GRID2: variants seen among roughly 807,000 people sequenced by gnomAD.
The protein encoded by GRID2 is glutamate receptor ionotropic, delta-2.
In GRID2, 33 loss-of-function variants were observed where a neutral mutation model predicts 114.8. The observed-to-expected ratio is 0.29, with a 90% CI of 0.22 to 0.38. The LOEUF (loss-of-function observed/expected upper bound fraction) is 0.38, where lower values mean the gene tolerates loss of function less well. GRID2 is among the 10% of genes least tolerant of loss of function. GRID2 has a pLI of 1.00. For synonymous variants in GRID2, 505 were observed against 449.9 expected, an observed-to-expected ratio of 1.12 and a Z score of -1.55; for missense variants, 1,184 against 1,257.7, an observed-to-expected ratio of 0.94 and a Z score of 0.89.
intron 5 of GRID2, among the ~76,000 whole-genome samples, chr4:93,211,875 C>A (rs1743520564): frequency 6.6e-6 from 1 of 152,086 alleles, no homozygotes; most frequent in African/African-American, 2.4e-5. Flanking sequence ...CTGGTATATC[C>A]AAAATCAACA....
At chr4:92,396,298 G>A (rs919908125) in intron 1 of GRID2, among the ~76,000 whole-genome samples, 2 of 151,886 alleles carry the variant, frequency 1.3e-5, no homozygotes, top group Admixed American at 6.6e-5. Context: ...AGAGCTTGTA[G>A]TGCATTATAT....
chr4:92,698,933 C>T (rs533436553), intron 2 of GRID2, among the ~76,000 whole-genome samples: 78 of 152,120 alleles, frequency 5.1e-4, no homozygotes, highest in Non-Finnish European at 9.6e-4. Flanking sequence ...TCATTCAGTA[C>T]TGACAACACA....
intron 8 of GRID2, among the ~76,000 whole-genome samples, chr4:93,245,060 A>T (rs1211623384): frequency 6.6e-6 from 1 of 152,108 alleles, no homozygotes; most frequent in East Asian, 1.9e-4. Context: ...AATTGACAAT[A>T]TAATTATACA....
intron 13 of GRID2, among the ~76,000 whole-genome samples, chr4:93,547,358 G>A (rs955550598): frequency 6.6e-6 from 1 of 152,076 alleles, no homozygotes; most frequent in African/African-American, 2.4e-5. Context: ...TATACTCAAA[G>A]GTGTTTTTAA....
chr4:92,623,007 A>C (rs575476251), intron 2 of GRID2, among the ~76,000 whole-genome samples: 1 of 151,718 alleles, frequency 6.6e-6, no homozygotes, highest in Non-Finnish European at 1.5e-5. Context: ...AATAAGGTTC[A>C]TCACTATTGG....
At chr4:93,507,894 T>C (rs1728778126) in intron 12 of GRID2, among the ~76,000 whole-genome samples, 3 of 152,170 alleles carry the variant, frequency 2.0e-5, no homozygotes, top group Non-Finnish European at 4.4e-5. Flanking sequence ...GGAGGTTCAA[T>C]GAAGCTTGCC....
chr4:93,395,467 A>G (rs751756225), intron 8 of GRID2, 140 bp from the exon 9 acceptor site: 2 of 494,364 alleles, frequency 4.0e-6, no homozygotes, highest in Non-Finnish European at 3.7e-6. Flanking sequence ...TTCATTTCCT[A>G]TTTAAAAAGA....
At chr4:92,889,993 C>T (rs1746641376) in intron 2 of GRID2, among the ~76,000 whole-genome samples, 1 of 151,962 alleles carries the variant, frequency 6.6e-6, no homozygotes, top group African/African-American at 2.4e-5. Flanking sequence ...TTTGACAAAC[C>T]TGACAAAAAT....
intron 8 of GRID2, among the ~76,000 whole-genome samples, chr4:93,273,967 A>G (rs1021873534): frequency 6.6e-6 from 1 of 152,146 alleles, no homozygotes; most frequent in African/African-American, 2.4e-5. Flanking sequence ...TCATTTAGCT[A>G]TTTCACTTTT....
In GRID2 at chr4:93,365,256, G is replaced by A. The variant is rs116445939; in HGVS notation, c.1246-30351G>A. 5.9e-3 allele frequency among the ~76,000 whole-genome samples: 904 copies of A among 152,206 alleles called. 7 individuals are homozygous for A. Among genetic ancestry groups the A allele is most frequent in the African/African-American group, 0.021 (856 of 41,544 alleles). ...TGTTTATGTTTCTATAAACCATCCAGGCCCAATCTTTATTTTTGTCAATAG... is the reference window on the plus strand; with the variant it reads ...TGTTTATGTTTCTATAAACCATCCAAGCCCAATCTTTATTTTTGTCAATAG... On this transcript the variant is annotated intron_variant, in intron 8 of 15. Transcript: ENST00000282020.
chr4:93,621,455 A>G (rs758461898), intron 13 of GRID2, among the ~76,000 whole-genome samples: 1 of 152,194 alleles, frequency 6.6e-6, no homozygotes, highest in Non-Finnish European at 1.5e-5. Flanking sequence ...TTAACCTAGT[A>G]TGAAGGACTC....
At chr4:92,602,653 ATGCCCT>A (rs1305667500) in intron 2 of GRID2, among the ~76,000 whole-genome samples, 4 of 152,202 alleles carry the variant, frequency 2.6e-5, no homozygotes, top group African/African-American at 9.6e-5. Context: ...CAAAACAAGG[ATGCCCT>A]GTCTCACGAC....
At chr4:92,777,528 A>G (rs920836886) in intron 2 of GRID2, among the ~76,000 whole-genome samples, 7 of 152,088 alleles carry the variant, frequency 4.6e-5, no homozygotes, top group African/African-American at 1.4e-4. Context: ...CTCTTGATGC[A>G]TCGCTTCTTA....
rs760298260 is a variant in GRID2 at position 92,414,075 on chromosome 4, A to G, written c.88+109331A>G. On this transcript the variant is annotated intron_variant, in intron 1 of 15. Coordinates refer to ENST00000282020, the MANE Select transcript of GRID2 (RefSeq NM_001510.4). ...TAGAAGTTGCAGCTTTGCACTGACA[A>G]TGGTGATACATAATAAAGTCTTGGC... Among the ~76,000 whole-genome samples the G allele has an allele frequency of 1.7e-4, 26 of 152,330 alleles. No individual in the cohort carries two copies. In the South Asian group the frequency reaches 3.9e-3, roughly 23 times the overall value.
intron 2 of GRID2, among the ~76,000 whole-genome samples, chr4:92,705,985 G>A (rs577192162): frequency 2.6e-5 from 4 of 152,272 alleles, no homozygotes; most frequent in African/African-American, 4.8e-5. Flanking sequence ...AGAGTGAAAC[G>A]TTAGTGACAA....
At chr4:93,065,215 A>G (rs1180464145) in intron 2 of GRID2, among the ~76,000 whole-genome samples, 1 of 151,898 alleles carries the variant, frequency 6.6e-6, no homozygotes, top group Non-Finnish European at 1.5e-5. Context: ...ATCATAACCT[A>G]GTTTTAAAAT....
At chr4:93,169,985 AG>A (rs1384989460) in intron 4 of GRID2, among the ~76,000 whole-genome samples, 17 of 152,240 alleles carry the variant, frequency 1.1e-4, no homozygotes, top group Non-Finnish European at 5.9e-5. Flanking sequence ...TAACTTGAAA[AG>A]GAAAACAATG....
chr4:93,192,479 C>A (rs763228207), intron 4 of GRID2, among the ~76,000 whole-genome samples: 1 of 152,048 alleles, frequency 6.6e-6, no homozygotes, highest in South Asian at 2.1e-4. Flanking sequence ...CTGTGGCTCA[C>A]GCCTGTAATC....
intron 1 of GRID2, among the ~76,000 whole-genome samples, chr4:92,427,367 A>G (rs1322998572): frequency 1.3e-5 from 2 of 152,204 alleles, no homozygotes; most frequent in Non-Finnish European, 2.9e-5. Flanking sequence ...AAACAGCCCC[A>G]TGAAAATGAA....
Sources: allele counts gnomAD v4.1 joint callset (sites outside exome capture counted in the v4.1 genomes callset), GRCh38; gene constraint gnomAD v4.1.1; transcripts MANE v1.5; gene names NCBI Gene and HGNC (gene_info 2026-07-23, HGNC 2026-07-21).